The following CEP63 variants were observed in gnomAD, a reference collection of about 807,000 sequenced individuals.
The protein encoded by CEP63 is centrosomal protein 63, also known as centrosomal protein of 63 kDa.
Under a neutral mutation model 89.1 loss-of-function variants are expected in CEP63, and 84 were observed. The observed-to-expected ratio is 0.94, with a 90% CI of 0.79 to 1.13. The LOEUF (loss-of-function observed/expected upper bound fraction) is 1.13, where lower values mean the gene tolerates loss of function less well. Among genes scored for constraint, CEP63 ranks in the 50% most tolerant of loss-of-function variants. The pLI, the probability that CEP63 is intolerant of heterozygous loss-of-function variation, is 0.00. For synonymous variants in CEP63, 267 were observed against 272.5 expected (o/e 0.98, Z 0.20); for missense variants, 838 against 813.3 (o/e 1.03, Z -0.37).
chr3:134,670,940 T>A, the CEP63 span, among the ~76,000 whole-genome samples: 1 of 152,218 alleles, frequency 6.6e-6, no homozygotes, highest in African/African-American at 2.4e-5. Context: ...ATGACATCAT[T>A]TAGCTATAGT....
chr3:134,608,690 C>T, the CEP63 span: 2 of 1,614,040 alleles, frequency 1.2e-6, no homozygotes, highest in Non-Finnish European at 1.7e-6. Flanking sequence ...ACTCAGCATC[C>T]CTTTGTTGTA....
chr3:134,520,163 T>C (rs932679124), intron 3 of CEP63, among the ~76,000 whole-genome samples: 3 of 152,172 alleles, frequency 2.0e-5, no homozygotes, highest in Non-Finnish European at 4.4e-5. Flanking sequence ...TAGCACATGC[T>C]TTGTTGGTGT....
At chr3:134,586,103 A>G (rs910363594) in intron 10 of CEP63, among the ~76,000 whole-genome samples, 3 of 152,022 alleles carry the variant, frequency 2.0e-5, no homozygotes, top group African/African-American at 4.8e-5. Context: ...TGCATGTGAG[A>G]TGGATCTCCT....
At chr3:134,486,436 G>T in intron 1 of CEP63, 1 of 985,554 alleles carries the variant, frequency 1.0e-6, no homozygotes, top group Non-Finnish European at 1.2e-6. Flanking sequence ...GGCCTGGCCC[G>T]CTATGCCCTG....
At chr3:134,663,978 T>C in the CEP63 span, among the ~76,000 whole-genome samples, 1 of 151,944 alleles carries the variant, frequency 6.6e-6, no homozygotes, top group Non-Finnish European at 1.5e-5. Flanking sequence ...GAGCAGGGCT[T>C]GGGGAGAGCT....
chr3:134,577,870 G>A (rs1958251883), downstream of CEP63, among the ~76,000 whole-genome samples: 1 of 152,096 alleles, frequency 6.6e-6, no homozygotes, highest in Admixed American at 6.6e-5. Context: ...AGAACATGCA[G>A]TGTTTGGTTT....
chr3:134,489,970 T>C (rs1428416111), intron 1 of CEP63, among the ~76,000 whole-genome samples: 1 of 152,228 alleles, frequency 6.6e-6, no homozygotes, highest in Non-Finnish European at 1.5e-5. Context: ...CCATTTGATA[T>C]GACCAATAGC....
intron 6 of CEP63, among the ~76,000 whole-genome samples, chr3:134,544,739 T>TAGTTCC (rs1181685984): frequency 6.6e-6 from 1 of 152,216 alleles, no homozygotes; most frequent in African/African-American, 2.4e-5. Context: ...TTCCTATGTT[T>TAGTTCC]TAAATAGGAA....
At chr3:134,627,800 T>C in the CEP63 span, 1 of 1,613,520 alleles carries the variant, frequency 6.2e-7, no homozygotes, top group Non-Finnish European at 8.5e-7. Flanking sequence ...TGTGTTTCCA[T>C]TTTTATCACC....
intron 2 of CEP63, among the ~76,000 whole-genome samples, chr3:134,505,146 A>C (rs930411145): frequency 6.6e-6 from 1 of 152,012 alleles, no homozygotes; most frequent in Non-Finnish European, 1.5e-5. Flanking sequence ...CCAGAGAATT[A>C]TTGTGTTCCT....
the CEP63 span, among the ~76,000 whole-genome samples, chr3:134,770,173 G>A: frequency 2.6e-5 from 4 of 152,204 alleles, no homozygotes; most frequent in Non-Finnish European, 4.4e-5. Context: ...CTGAGATCTG[G>A]CTGCCCACTG....
At chr3:134,488,742 C>T (rs1170954901) in intron 1 of CEP63, among the ~76,000 whole-genome samples, 1 of 152,206 alleles carries the variant, frequency 6.6e-6, no homozygotes, top group African/African-American at 2.4e-5. Flanking sequence ...AAACAGGTCC[C>T]TGGTGCCAAA....
the CEP63 span, among the ~76,000 whole-genome samples, chr3:134,713,965 C>G: frequency 2.0e-5 from 3 of 152,210 alleles, no homozygotes; most frequent in African/African-American, 7.2e-5. Context: ...AGGCTGGATC[C>G]GCTGTGTGCT....
At chr3:134,546,099 G>A (rs750582832) in intron 7 of CEP63, 50 bp from the exon 8 acceptor site, 5 of 1,598,606 alleles carry the variant, frequency 3.1e-6, no homozygotes, top group Middle Eastern at 1.7e-4. Context: ...TGCAGGTTCT[G>A]CAGGAATTAA....
the CEP63 span, among the ~76,000 whole-genome samples, chr3:134,639,587 T>A: frequency 6.6e-6 from 1 of 152,034 alleles, no homozygotes; most frequent in Non-Finnish European, 1.5e-5. Context: ...TACAAAGTGT[T>A]TGCATGGGGA....
intron 6 of CEP63, among the ~76,000 whole-genome samples, chr3:134,544,011 C>T (rs1952634777): frequency 6.7e-6 from 1 of 150,198 alleles, no homozygotes; most frequent in Non-Finnish European, 1.5e-5. Flanking sequence ...GTAATTTATA[C>T]AAACAGTATT....
At chr3:134,567,467 CAAAAA>C (rs61700362), downstream of CEP63, among the ~76,000 whole-genome samples, 1 of 134,108 alleles carries the variant, frequency 7.5e-6, no homozygotes, top group Non-Finnish European at 1.6e-5. Flanking sequence ...TCACTGTTAC[CAAAAA>C]AAAAAAAAAA....
At chr3:134,635,526 C>T in the CEP63 span, among the ~76,000 whole-genome samples, 1 of 134,768 alleles carries the variant, frequency 7.4e-6, no homozygotes, top group Non-Finnish European at 1.6e-5. Flanking sequence ...TACTTCTCAA[C>T]AATACAAAGG....
downstream of CEP63, among the ~76,000 whole-genome samples, chr3:134,589,827 G>A (rs570006909): frequency 6.6e-6 from 1 of 152,114 alleles, no homozygotes; most frequent in African/African-American, 2.4e-5. Context: ...ATTCACAATA[G>A]CAAAGGCATG....
Sources: gnomAD v4.1 joint callset for allele counts (sites outside exome capture counted in the v4.1 genomes callset) on GRCh38, gnomAD v4.1.1 for gene constraint, MANE v1.5 for transcripts, NCBI Gene and HGNC (gene_info 2026-07-23, HGNC 2026-07-21) for gene names.